NFYC: variants seen among roughly 807,000 people sequenced by gnomAD.
NFYC encodes nuclear transcription factor Y subunit gamma.
A neutral mutation model predicts 53.1 loss-of-function variants in NFYC; 25 were observed. The observed-to-expected ratio is 0.47, with a 90% CI of 0.34 to 0.66. The LOEUF is 0.66. Among genes scored for constraint, NFYC ranks in the 30% least tolerant of loss-of-function variants. The pLI, the probability that NFYC is intolerant of heterozygous loss-of-function variation, is 0.01. For missense variants in NFYC, 260 were observed against 422.7 expected (o/e 0.62, Z 3.38); for synonymous variants, 145 against 152.6 (o/e 0.95, Z 0.37).
chr1:40,737,349 G>A (rs1335529201), intron 1 of NFYC, among the ~76,000 whole-genome samples: 1 of 134,946 alleles, frequency 7.4e-6, no homozygotes, highest in Non-Finnish European at 1.6e-5. Flanking sequence ...TTTTTTTTGC[G>A]ATGGAGTCTT....
chr1:40,741,104 A>G (rs976084518), intron 2 of NFYC, among the ~76,000 whole-genome samples: 1 of 152,148 alleles, frequency 6.6e-6, no homozygotes, highest in African/African-American at 2.4e-5. Flanking sequence ...TCTGCTTTCT[A>G]TGAATTTGAC....
At chr1:40,735,863 C>CTTG (rs1041297066) in intron 1 of NFYC, 1 of 487,792 alleles carries the variant, frequency 2.1e-6, no homozygotes, top group African/African-American at 2.1e-5. Flanking sequence ...TCATGAGTAC[C>CTTG]TTGTAGAAAA....
intron 3 of NFYC, 54 bp from the exon 4 acceptor site, chr1:40,749,519 A>T (rs1294695158): frequency 1.4e-6 from 2 of 1,404,706 alleles, no homozygotes; most frequent in Non-Finnish European, 2.0e-6. Context: ...CAAGAGACAG[A>T]CTGGTTTGCA....
At chr1:40,704,625 T>A (rs1394167764) in intron 1 of NFYC, among the ~76,000 whole-genome samples, 1 of 152,236 alleles carries the variant, frequency 6.6e-6, no homozygotes, top group Non-Finnish European at 1.5e-5. Context: ...GAAGTAGGAC[T>A]TGAGGTCTTT....
At chr1:40,767,295 G>T (rs1279912090) in intron 8 of NFYC, 2 of 338,944 alleles carry the variant, frequency 5.9e-6, no homozygotes, top group Non-Finnish European at 5.6e-6. Flanking sequence ...ATTGTTAATG[G>T]ATTCTTTTGC....
intron 3 of NFYC, 36 bp from the exon 4 acceptor site, chr1:40,749,537 C>G: frequency 6.5e-7 from 1 of 1,537,552 alleles, no homozygotes; most frequent in East Asian, 2.2e-5. Flanking sequence ...GCATGACTTG[C>G]TGGTGATTGA....
Position 40,691,801 on chromosome 1 carries a change from C to G in NFYC, c.-75C>G, listed in dbSNP as rs779738954. 2 of 449,156 alleles carry G rather than the reference C, an allele frequency of 4.5e-6. No homozygotes were observed. Among genetic ancestry groups the G allele is most frequent in the African/African-American group, 4.0e-5 (2 of 49,502 alleles). 27.8% of individuals were successfully genotyped at this position (449,156 alleles called of 1,614,324 possible). On this transcript the variant is annotated 5_prime_UTR_variant, in exon 1 of 10. Transcript: ENST00000447388. Reference sequence around the variant, plus strand: ...CCCCTCCCCTCCGCCGCGCCTGGGCCTCTGCATTGCCCGACTCCGTAGGAG... The same window carrying G: ...CCCCTCCCCTCCGCCGCGCCTGGGCGTCTGCATTGCCCGACTCCGTAGGAG...
chr1:40,744,380 T>C (rs1185117968), intron 2 of NFYC, among the ~76,000 whole-genome samples: 1 of 152,216 alleles, frequency 6.6e-6, no homozygotes, highest in Non-Finnish European at 1.5e-5. Context: ...CAGGTGATTC[T>C]AACCTGCAGC....
Position 40,770,558 on chromosome 1 carries a change from C to G in NFYC, c.889-151C>G. 1 of 1,591,562 alleles carries G rather than the reference C, an allele frequency of 6.3e-7. No homozygotes were observed. Among genetic ancestry groups the G allele is most frequent in the South Asian group, 1.1e-5 (1 of 88,302 alleles). On this transcript the variant is annotated intron_variant, in intron 9 of 9. Coordinates refer to ENST00000447388, the MANE Select transcript of NFYC (RefSeq NM_014223.5). The surrounding 1 kb of genome is among the most constrained non-coding windows in gnomAD (Gnocchi z 5.3). The stretch of plus-strand genomic sequence containing the variant: ...CCTCCTGTGTCTGCTGCTCCCAACC[C>G]CAGCAGAGCTCCACTTCCCCTCCTC...
intron 1 of NFYC, among the ~76,000 whole-genome samples, chr1:40,733,018 C>CTTTTT: frequency 1.2e-5 from 1 of 82,492 alleles, no homozygotes. Flanking sequence ...GCCCCCCCCC[C>CTTTTT]CTTTTTTTTT....
intron 1 of NFYC, among the ~76,000 whole-genome samples, chr1:40,724,362 C>T (rs964789677): frequency 1.3e-5 from 2 of 151,992 alleles, no homozygotes; most frequent in Non-Finnish European, 2.9e-5. Context: ...ACTGAGGCTC[C>T]GTCTAAAAGT....
At position 40,691,735 on chromosome 1, in the gene NFYC, C is replaced by A. The variant is rs1297114729; in HGVS notation, c.-141C>A. 1 of 455,440 alleles carries A rather than the reference C, an allele frequency of 2.2e-6. No individual in the cohort carries two copies. The highest frequency in any genetic ancestry group is 4.4e-6 in the Non-Finnish European group (1 of 226,396). 28.2% of individuals were successfully genotyped at this position (455,440 alleles called of 1,614,324 possible). The stretch of plus-strand genomic sequence containing the variant: ...GGCGTGGCCGCCATCTTGCTTGTGC[C>A]CCCGCTTCGCGCGCGCTCCGTTCTC... On this transcript the variant is annotated 5_prime_UTR_variant, in exon 1 of 10. Transcript: ENST00000447388.
chr1:40,758,389 C>T (rs143443170), intron 6 of NFYC, 95 bp downstream of exon 6: 215 of 1,297,366 alleles, frequency 1.7e-4, no homozygotes, highest in Middle Eastern at 5.1e-4. Flanking sequence ...GCAGCCAGAT[C>T]ATTATAGAGC....
At chr1:40,726,582 G>C (rs941370223) in intron 1 of NFYC, among the ~76,000 whole-genome samples, 12 of 152,006 alleles carry the variant, frequency 7.9e-5, no homozygotes, top group African/African-American at 2.7e-4. Context: ...GCTGATTTTT[G>C]TATTTTTTGT....
At chr1:40,707,207 A>T (rs1226279368) in intron 1 of NFYC, among the ~76,000 whole-genome samples, 1 of 151,210 alleles carries the variant, frequency 6.6e-6, no homozygotes, top group Non-Finnish European at 1.5e-5. Context: ...TATATATGGT[A>T]GAAGGCTGGG....
intron 1 of NFYC, among the ~76,000 whole-genome samples, chr1:40,707,662 A>G (rs934964962): frequency 6.6e-6 from 1 of 151,612 alleles, no homozygotes; most frequent in African/African-American, 2.4e-5. Flanking sequence ...AAGAAAAAAA[A>G]AAAACAAGAA....
At chr1:40,706,234 C>A (rs1419865236) in intron 1 of NFYC, among the ~76,000 whole-genome samples, 2 of 151,510 alleles carry the variant, frequency 1.3e-5, no homozygotes, top group Non-Finnish European at 2.9e-5. Context: ...TGGCTAGGGA[C>A]CAGTTTTTGT....
chr1:40,769,121 G>A (rs547581690), intron 8 of NFYC: 12 of 497,498 alleles, frequency 2.4e-5, no homozygotes, highest in Non-Finnish European at 3.3e-5. Context: ...GATGGGTGTG[G>A]GAACTATCTA....
At chr1:40,713,844 G>C (rs1441155323) in intron 1 of NFYC, among the ~76,000 whole-genome samples, 1 of 152,184 alleles carries the variant, frequency 6.6e-6, no homozygotes, top group Non-Finnish European at 1.5e-5. Context: ...TAGGCTTGCT[G>C]TTTGGGTATA....
Sources: allele counts gnomAD v4.1 joint callset (sites outside exome capture counted in the v4.1 genomes callset), GRCh38; gene constraint gnomAD v4.1.1; non-coding constraint Gnocchi (gnomAD v3.1); transcripts MANE v1.5; gene names NCBI Gene and HGNC (gene_info 2026-07-23, HGNC 2026-07-21).